Variants in NAV1 observed in about 807,000 individuals in gnomAD.
The protein encoded by NAV1 is neuron navigator 1, also known as pore membrane and/or filament interacting like protein 3.
A neutral mutation model predicts 175.2 loss-of-function variants in NAV1; 18 were observed. The observed-to-expected ratio is 0.10, with a 90% CI of 0.07 to 0.15. NAV1 has a LOEUF of 0.15. Among genes scored for constraint, NAV1 ranks in the 10% least tolerant of loss-of-function variants. The probability of loss-of-function intolerance (pLI) is 1.00; values close to 1 mark genes in which losing one functional copy is unlikely to be tolerated. For synonymous variants in NAV1, 897 were observed against 978.7 expected (o/e 0.92, Z 1.56); for missense variants, 1,731 against 2,436.6 (o/e 0.71, Z 6.10).
chr1:201,727,601 A>G (rs930838192), intron 3 of NAV1, among the ~76,000 whole-genome samples: 1 of 152,240 alleles, frequency 6.6e-6, no homozygotes. Flanking sequence ...GGGCACCCCC[A>G]GAAGCTGACC....
chr1:201,563,483 C>A (rs2102466623), intron 1 of NAV1, among the ~76,000 whole-genome samples: 1 of 151,808 alleles, frequency 6.6e-6, no homozygotes, highest in Middle Eastern at 3.4e-3. Flanking sequence ...GCTTCAAGTG[C>A]CACAGGTACA....
chr1:201,672,865 A>G (rs549332772), intron 1 of NAV1, among the ~76,000 whole-genome samples: 82 of 152,196 alleles, frequency 5.4e-4, no homozygotes, highest in Non-Finnish European at 8.8e-4. Flanking sequence ...TTACCGCCCA[A>G]CAGACGCTCA....
At chr1:201,648,268 C>T in exon 1 of NAV1, 1 of 1,052,872 alleles carries the variant, frequency 9.5e-7, no homozygotes. Context: ...GACAGGCAGG[C>T]AGGCCGCGGG....
At chr1:201,802,678 G>A (rs1222573243) in intron 15 of NAV1, among the ~76,000 whole-genome samples, 1 of 151,648 alleles carries the variant, frequency 6.6e-6, no homozygotes, top group African/African-American at 2.4e-5. Context: ...TACTTGGGAG[G>A]CTGAGGCAGA....
At chr1:201,707,892 TG>T (rs1324898678) in intron 1 of NAV1, among the ~76,000 whole-genome samples, 1 of 152,230 alleles carries the variant, frequency 6.6e-6, no homozygotes, top group East Asian at 1.9e-4. Flanking sequence ...TCTGGAGGCA[TG>T]TGCATGTATT....
At chr1:201,751,231 G>A (rs188738297) in intron 3 of NAV1, among the ~76,000 whole-genome samples, 253 of 152,330 alleles carry the variant, frequency 1.7e-3, no homozygotes, top group African/African-American at 5.1e-3. Flanking sequence ...GCATCTTGAC[G>A]AAAGCATGTG....
chr1:201,627,111 T>C (rs1357380232), intron 1 of NAV1, among the ~76,000 whole-genome samples: 1 of 152,228 alleles, frequency 6.6e-6, no homozygotes, highest in Non-Finnish European at 1.5e-5. Flanking sequence ...ATTTATTTAC[T>C]GGAGACAGAT....
intron 3 of NAV1, among the ~76,000 whole-genome samples, chr1:201,747,366 G>A (rs1043874912): frequency 1.3e-5 from 2 of 152,126 alleles, no homozygotes; most frequent in African/African-American, 2.4e-5. Context: ...TTTGATTTTG[G>A]TGATCTGCCA....
chr1:201,625,966 T>G (rs184278032), intron 1 of NAV1, among the ~76,000 whole-genome samples: 1 of 152,350 alleles, frequency 6.6e-6, no homozygotes, highest in Admixed American at 6.5e-5. Context: ...CCCTACCTCC[T>G]AGACCCTGCC....
intron 3 of NAV1, among the ~76,000 whole-genome samples, chr1:201,755,662 A>G (rs1428152231): frequency 6.6e-6 from 1 of 152,228 alleles, no homozygotes; most frequent in East Asian, 1.9e-4. Flanking sequence ...GACAAGAATC[A>G]TAGTAGTGTG....
At chr1:201,569,740 C>A (rs1020393229) in intron 1 of NAV1, among the ~76,000 whole-genome samples, 4 of 152,164 alleles carry the variant, frequency 2.6e-5, no homozygotes, top group African/African-American at 9.7e-5. Context: ...CAGTTAGTAA[C>A]CCCCTCATGA....
intron 1 of NAV1, among the ~76,000 whole-genome samples, chr1:201,574,622 G>A (rs1481006325): frequency 6.6e-6 from 1 of 152,196 alleles, no homozygotes; most frequent in East Asian, 1.9e-4. Flanking sequence ...CCAGGCTTGG[G>A]AAACCTGCAG....
intron 1 of NAV1, among the ~76,000 whole-genome samples, chr1:201,584,019 A>G (rs1666951443): frequency 6.6e-6 from 1 of 152,246 alleles, no homozygotes; most frequent in South Asian, 2.1e-4. Context: ...ATCCTTTCCA[A>G]TTGAGAAATT....
upstream of NAV1, among the ~76,000 whole-genome samples, chr1:201,644,705 G>C (rs1334960294): frequency 2.6e-5 from 4 of 152,194 alleles, no homozygotes; most frequent in Non-Finnish European, 5.9e-5. Flanking sequence ...AGGTTTAGGT[G>C]GTAGGGAGGA....
At position 201,783,859 on chromosome 1, in the gene NAV1, A is replaced by G. The variant is rs771341642; in HGVS notation, c.2804+7A>G. 14 of 1,597,334 alleles carry G rather than the reference A, an allele frequency of 8.8e-6. No individual in the cohort carries two copies. The highest frequency in any genetic ancestry group is 1.1e-5 in the Non-Finnish European group (13 of 1,169,812). On this transcript the variant is annotated splice_region_variant and intron_variant, in intron 7 of 29. Coordinates refer to ENST00000367296, the Ensembl canonical transcript of NAV1. ...GAGCTGGGCAACTGGACAGGTAGGT[A>G]GAAAAGACAGCAGAACCTCGGCCTG... is the stretch of plus-strand genomic sequence containing the variant.
chr1:201,616,033 AT>A (rs1667993028), intron 2 of NAV1, among the ~76,000 whole-genome samples: 1 of 141,552 alleles, frequency 7.1e-6, no homozygotes, highest in Non-Finnish European at 1.5e-5. Flanking sequence ...TGTGATCATA[AT>A]AAATAACAGA....
intron 1 of NAV1, among the ~76,000 whole-genome samples, chr1:201,626,239 C>T (rs976622119): frequency 6.6e-6 from 1 of 152,246 alleles, no homozygotes; most frequent in Non-Finnish European, 1.5e-5. Context: ...CCATCTGCTT[C>T]CTAGAATCCA....
At chr1:201,794,377 G>A (rs538486922) in intron 14 of NAV1, 89 bp from the exon 19 acceptor site, 1 of 1,201,920 alleles carries the variant, frequency 8.3e-7, no homozygotes, top group South Asian at 1.4e-5. Context: ...CTGACCTCAG[G>A]TGATCCGCCC....
chr1:201,691,196 A>G (rs1670919927), intron 1 of NAV1, among the ~76,000 whole-genome samples: 1 of 152,184 alleles, frequency 6.6e-6, no homozygotes, highest in African/African-American at 2.4e-5. Flanking sequence ...GATGCCAGTA[A>G]CACCCCCTCC....
Sources: gnomAD v4.1 joint callset for allele counts (sites outside exome capture counted in the v4.1 genomes callset) on GRCh38, gnomAD v4.1.1 for gene constraint, MANE v1.5 for transcripts, NCBI Gene and HGNC (gene_info 2026-07-23, HGNC 2026-07-21) for gene names.